Variants in ST3GAL1 observed in about 807,000 individuals in gnomAD.
The protein encoded by ST3GAL1 is ST3 beta-galactoside alpha-2,3-sialyltransferase 1.
A neutral mutation model predicts 34.1 loss-of-function variants in ST3GAL1; 16 were observed. That is an observed-to-expected ratio of 0.47 (90% CI 0.32 to 0.71). The LOEUF (loss-of-function observed/expected upper bound fraction) is 0.71, where lower values mean the gene tolerates loss of function less well. Ranked by LOEUF, ST3GAL1 falls within the 30% of genes least tolerant of loss-of-function variation. The pLI is 0.04. For synonymous variants in ST3GAL1, 191 were observed against 184.7 expected, an observed-to-expected ratio of 1.03 and a Z score of -0.28; for missense variants, 353 against 447.4, an observed-to-expected ratio of 0.79 and a Z score of 1.90.
intron 5 of ST3GAL1, 53 bp downstream of exon 5, chr8:133,475,666 T>C: frequency 6.7e-7 from 1 of 1,492,244 alleles, no homozygotes; most frequent in Non-Finnish European, 8.9e-7. Context: ...GACCCCACTC[T>C]CAGTCCACAC....
intron 3 of ST3GAL1, among the ~76,000 whole-genome samples, chr8:133,485,768 C>T (rs992113338): frequency 1.9e-3 from 18 of 9,416 alleles, no homozygotes; most frequent in African/African-American, 8.8e-3. Context: ...TGGGCTGCAA[C>T]TGAAAAGAGA....
At chr8:133,557,336 G>T (rs1819070514) in intron 1 of ST3GAL1, among the ~76,000 whole-genome samples, 1 of 152,196 alleles carries the variant, frequency 6.6e-6, no homozygotes, top group Non-Finnish European at 1.5e-5. Flanking sequence ...AGGATATGTG[G>T]TACCCATGGT....
chr8:133,531,874 A>T (rs1818169480), intron 2 of ST3GAL1, among the ~76,000 whole-genome samples: 1 of 151,780 alleles, frequency 6.6e-6, no homozygotes. Flanking sequence ...GGTTCGTAAA[A>T]CTACGTTTCA....
chr8:133,502,026 C>T (rs534584531), intron 2 of ST3GAL1, among the ~76,000 whole-genome samples: 2 of 152,104 alleles, frequency 1.3e-5, no homozygotes, highest in Admixed American at 6.6e-5. Flanking sequence ...CAGGATTCAC[C>T]GGGGGACTCA....
intron 2 of ST3GAL1, among the ~76,000 whole-genome samples, chr8:133,529,477 A>G (rs1563728792): frequency 6.6e-6 from 1 of 152,194 alleles, no homozygotes; most frequent in Non-Finnish European, 1.5e-5. Flanking sequence ...GCAGACAGGC[A>G]GACAGATGAA....
intron 3 of ST3GAL1, among the ~76,000 whole-genome samples, chr8:133,488,977 C>T (rs986564649): frequency 1.3e-5 from 2 of 152,144 alleles, no homozygotes; most frequent in Non-Finnish European, 2.9e-5. Context: ...TGGGGACAGG[C>T]AGTGACTGCC....
intron 5 of ST3GAL1, among the ~76,000 whole-genome samples, chr8:133,470,749 G>A (rs1268048100): frequency 2.0e-5 from 3 of 152,158 alleles, no homozygotes; most frequent in African/African-American, 7.2e-5. Context: ...CAGGCTGGGG[G>A]CGAGGCGAGT....
intron 2 of ST3GAL1, among the ~76,000 whole-genome samples, chr8:133,540,946 T>C (rs1244649475): frequency 1.2e-4 from 10 of 83,522 alleles, no homozygotes; most frequent in African/African-American, 3.1e-4. Flanking sequence ...TATATAGACA[T>C]ATATATAGAC....
At chr8:133,491,789 T>C (rs938001594) in intron 3 of ST3GAL1, among the ~76,000 whole-genome samples, 4 of 152,024 alleles carry the variant, frequency 2.6e-5, no homozygotes, top group African/African-American at 9.7e-5. Flanking sequence ...AACCATCCCA[T>C]CCCTACACAC....
chr8:133,548,020 A>T (rs2131078839), intron 1 of ST3GAL1, among the ~76,000 whole-genome samples: 1 of 152,324 alleles, frequency 6.6e-6, no homozygotes, highest in Middle Eastern at 3.4e-3. Context: ...TGTGGTGTTG[A>T]CTATAAACAG....
At chr8:133,474,215 C>T (rs1488992356) in intron 5 of ST3GAL1, among the ~76,000 whole-genome samples, 1 of 152,188 alleles carries the variant, frequency 6.6e-6, no homozygotes, top group Non-Finnish European at 1.5e-5. Flanking sequence ...CTGCGATAAC[C>T]CCAGGCTCCA....
intron 2 of ST3GAL1, among the ~76,000 whole-genome samples, chr8:133,530,261 C>T (rs558854858): frequency 6.1e-5 from 9 of 147,398 alleles, no homozygotes; most frequent in African/African-American, 2.0e-4. Context: ...TGTCCTGAGG[C>T]CTTCTTTTTT....
intron 3 of ST3GAL1, among the ~76,000 whole-genome samples, chr8:133,477,858 T>C (rs1371820963): frequency 6.6e-6 from 1 of 150,898 alleles, no homozygotes; most frequent in Non-Finnish European, 1.5e-5. Flanking sequence ...AAGCAGGGTA[T>C]ATTTTTTTCC....
At chr8:133,481,415 G>T (rs1192600029) in intron 3 of ST3GAL1, among the ~76,000 whole-genome samples, 1 of 152,106 alleles carries the variant, frequency 6.6e-6, no homozygotes, top group East Asian at 1.9e-4. Flanking sequence ...TGTCTCCCCT[G>T]TACTATGAGA....
intron 6 of ST3GAL1, 147 bp from the exon 7 acceptor site, chr8:133,465,104 G>A (rs949123820): frequency 4.1e-5 from 31 of 747,802 alleles, no homozygotes; most frequent in Non-Finnish European, 6.5e-5. Flanking sequence ...CTGTAAAATA[G>A]AGACAATGAA....
intron 2 of ST3GAL1, among the ~76,000 whole-genome samples, chr8:133,499,775 G>A (rs563076734): frequency 7.2e-5 from 11 of 152,230 alleles, no homozygotes; most frequent in South Asian, 2.1e-4. Context: ...CGAGCAGCTC[G>A]GCGTACTAAG....
rs559869693 is a variant in ST3GAL1, at chr8:133,559,072, C to T, written c.-582+12621G>A. Among the ~76,000 whole-genome samples, 1,000 of 149,512 alleles carry T rather than the reference C, an allele frequency of 6.7e-3. 9 individuals carry two copies. The highest frequency in any genetic ancestry group is 0.024 in the African/African-American group (935 of 39,444). On this transcript the variant is annotated intron_variant, in intron 1 of 9. Transcript: ENST00000522652. ...GTGTGTGTGTGTGTGCATGTGTGCACGTCCTAAGCCACTGGGACAGGCTGT... is the reference window on the plus strand; with the variant it reads ...GTGTGTGTGTGTGTGCATGTGTGCATGTCCTAAGCCACTGGGACAGGCTGT...
chr8:133,535,457 A>G (rs1818280333), intron 2 of ST3GAL1, among the ~76,000 whole-genome samples: 1 of 151,756 alleles, frequency 6.6e-6, no homozygotes, highest in African/African-American at 2.4e-5. Flanking sequence ...GGGCAAGTCT[A>G]TTGGTGCCAT....
At chr8:133,481,271 A>T (rs1816373471) in intron 3 of ST3GAL1, among the ~76,000 whole-genome samples, 1 of 152,142 alleles carries the variant, frequency 6.6e-6, no homozygotes, top group Admixed American at 6.5e-5. Flanking sequence ...TTCTAACTGC[A>T]GCTGTGTTTC....
Sources: gnomAD v4.1 joint callset for allele counts (sites outside exome capture counted in the v4.1 genomes callset) on GRCh38, gnomAD v4.1.1 for gene constraint, MANE v1.5 for transcripts, NCBI Gene and HGNC (gene_info 2026-07-23, HGNC 2026-07-21) for gene names.